Variants in CELA3B observed in about 807,000 individuals in gnomAD.
CELA3B encodes the protein chymotrypsin-like elastase family member 3B.
A neutral mutation model predicts 37.2 loss-of-function variants in CELA3B; 34 were observed. The observed-to-expected ratio is 0.91, with a 90% CI of 0.70 to 1.22. The LOEUF is 1.22. Ranked by LOEUF, CELA3B falls within the 50% of genes most tolerant of loss-of-function variation. The pLI, the probability that CELA3B is intolerant of heterozygous loss-of-function variation, is 0.00. For missense variants in CELA3B, 340 were observed against 363.1 expected, an observed-to-expected ratio of 0.94 and a Z score of 0.52; for synonymous variants, 127 against 143.5, an observed-to-expected ratio of 0.89 and a Z score of 0.82.
chr1:21,981,318 A>G (rs1262664033), intron 4 of CELA3B, 146 bp downstream of exon 4: 11 of 277,580 alleles, frequency 4.0e-5, no homozygotes, highest in Non-Finnish European at 6.0e-5. Flanking sequence ...GGTCCCACAC[A>G]CTGAGGATTG....
rs200468289 is a variant in CELA3B, at chr1:21,984,323, G to A, written c.634G>A (p.Gly212Ser). 234 of 1,613,338 alleles carry A rather than the reference G, an allele frequency of 1.5e-4. No homozygotes were observed. The highest frequency in any genetic ancestry group is 5.3e-5 in the African/African-American group (4 of 75,016). The change falls in exon 6 of 8, where the codon GGC becomes AGC. Residue 212 changes from glycine to serine, a missense_variant. Physicochemically the swap from Gly to Ser is moderately conservative, Grantham distance 56 (BLOSUM62 0). Transcript: ENST00000337107. ...MVCAGGDIRSGCNGDSGGPLN... is the reference protein window; with the variant it reads ...MVCAGGDIRSSCNGDSGGPLN... ...GTGTGCTGGAGGGGACATCCGCTCC[G>A]GCTGCAATGTGAGTCAGCTCTTACC...
chr1:21,989,116 T>C (rs1050527796), intron 7 of CELA3B, 146 bp from the exon 8 acceptor site: 1 of 1,495,094 alleles, frequency 6.7e-7, no homozygotes, highest in Non-Finnish European at 9.2e-7. Flanking sequence ...TTATCCCTAC[T>C]ACATAGAGGA....
chr1:21,989,366 C>G (rs1333974182), downstream of CELA3B: 6 of 1,105,462 alleles, frequency 5.4e-6, 1 homozygote, highest in African/African-American at 7.9e-5. Context: ...TTGAATCTTT[C>G]TTTCTTTGTT....
intron 4 of CELA3B, among the ~76,000 whole-genome samples, chr1:21,982,022 G>C (rs550667574): frequency 6.6e-6 from 1 of 152,244 alleles, no homozygotes; most frequent in African/African-American, 2.4e-5. Flanking sequence ...ACCGCGCCCT[G>C]CCATATGAAA....
At chr1:21,992,479 A>G (rs1644872757), downstream of CELA3B, among the ~76,000 whole-genome samples, 2 of 151,538 alleles carry the variant, frequency 1.3e-5, no homozygotes, top group South Asian at 4.1e-4. Flanking sequence ...CAGCTTCTGT[A>G]AACCAGACAG....
Position 21,995,776 on chromosome 1 carries a change from G to A in CELA3B, c.505-2375G>A, listed in dbSNP as rs1380247850. 3.4e-5 allele frequency among the ~76,000 whole-genome samples: 5 copies of A among 145,676 alleles called. No homozygotes were observed. In the East Asian group the frequency reaches 8.1e-4, roughly 23 times the overall value. Reference sequence around the variant, plus strand: ...CAGAAACTGATTGTCTCACAATCCTGAGGCTGGAAGAAGGAAATCAGGGTA... The same window carrying A: ...CAGAAACTGATTGTCTCACAATCCTAAGGCTGGAAGAAGGAAATCAGGGTA... On this transcript the variant is annotated intron_variant, in intron 4 of 4. Coordinates refer to the CELA3B transcript ENST00000400277.
rs1043789183 is a variant in CELA3B at position 21,986,382 on chromosome 1, T to C, written c.643-149T>C. 11 of 1,094,176 alleles carry C rather than the reference T, an allele frequency of 1.0e-5. No homozygotes were observed. The African/African-American group carries it at 1.6e-4, about 16-fold the overall frequency. The allele number at this position is 1,094,176 out of a possible 1,614,324, so 67.8% of individuals were successfully genotyped here. A position where few individuals can be genotyped will look rare whatever the true frequency, so the allele number is the denominator to read the frequency against. On this transcript the variant is annotated intron_variant, in intron 6 of 7. Transcript: ENST00000337107. ...GAGAGCGAGACTCCATCTAAAAAAA[T>C]AAAAATAATAAATGATTAAAAAAAA... is the stretch of plus-strand genomic sequence containing the variant.
At chr1:21,995,968 C>A (rs1344532337) in intron 4 of CELA3B, among the ~76,000 whole-genome samples, 1 of 149,850 alleles carries the variant, frequency 6.7e-6, no homozygotes, top group African/African-American at 2.5e-5. Context: ...AATCCCAGCA[C>A]TTTGGGAGGC....
At chr1:21,986,124 T>G (rs35389875) in intron 6 of CELA3B, among the ~76,000 whole-genome samples, 68,456 of 149,260 alleles carry the variant, frequency 0.46, 18,910 homozygotes, top group Middle Eastern at 0.69. Flanking sequence ...CCATAATCCC[T>G]TTGGGAGGCC....
chr1:21,978,212 G>T (rs1282235605), intron 1 of CELA3B, among the ~76,000 whole-genome samples, 157 bp from the exon 2 acceptor site: 4 of 150,190 alleles, frequency 2.7e-5, no homozygotes, highest in African/African-American at 9.9e-5. Context: ...TAGTTTAAAT[G>T]TTCACTATTC....
rs374499727 is a variant in CELA3B, at chr1:21,984,472, G to A, written c.642+141G>A. 2.6e-3 allele frequency: 3,056 copies of A among 1,184,376 alleles called. 11 individuals are homozygous for A. Among genetic ancestry groups the A allele is most frequent in the Non-Finnish European group, 2.9e-3 (2,504 of 855,212 alleles). 73.4% of individuals were successfully genotyped at this position (1,184,376 alleles called of 1,614,324 possible). ...GCCAGGCAGGACTTGGAGGAAATCAGCGCAGTCCAGACACAGAGCCCAGGC... is the reference window on the plus strand; with the variant it reads ...GCCAGGCAGGACTTGGAGGAAATCAACGCAGTCCAGACACAGAGCCCAGGC... On this transcript the variant is annotated intron_variant, in intron 6 of 7. Coordinates refer to ENST00000337107, the MANE Select transcript of CELA3B (RefSeq NM_007352.4).
downstream of CELA3B, among the ~76,000 whole-genome samples, chr1:21,989,706 C>G (rs1385358702): frequency 5.3e-5 from 8 of 151,126 alleles, no homozygotes; most frequent in East Asian, 3.9e-4. Context: ...AGCCCCTCAG[C>G]AGGCTCATGG....
chr1:21,985,657 C>G (rs1326943993), intron 6 of CELA3B, among the ~76,000 whole-genome samples: 3 of 151,360 alleles, frequency 2.0e-5, no homozygotes, highest in African/African-American at 7.3e-5. Flanking sequence ...TTTGGGAGGC[C>G]GAGCCGGGCG....
In CELA3B at chr1:21,997,526, A is replaced by G. The variant is rs146173279; in HGVS notation, c.505-625A>G. 6.9e-3 allele frequency among the ~76,000 whole-genome samples: 1,043 copies of G among 150,804 alleles called. 22 individuals carry two copies. The highest frequency in any genetic ancestry group is 0.017 in the Middle Eastern group (5 of 290). On this transcript the variant is annotated intron_variant, in intron 4 of 4. Coordinates refer to the CELA3B transcript ENST00000400277. The stretch of plus-strand genomic sequence containing the variant: ...AATGTGGTGAAACCCTGCCTCTACT[A>G]AAAATCCAAAAATTAGCCTGGTGTG...
chr1:21,986,694 C>T lies in CELA3B; in HGVS notation c.795+11C>T, dbSNP rs771572488. The T allele has an allele frequency of 6.8e-6, 11 of 1,610,310 alleles. No homozygotes were observed. The East Asian group carries it at 2.0e-4, about 29-fold the overall frequency. On this transcript the variant is annotated intron_variant, in intron 7 of 7. Transcript: ENST00000337107. ...GACTGGATTGAGGAGGTGAGGAGGG[C>T]AGGGCGGCCCGGAGGGCTTTAGGGT...
At chr1:21,982,132 G>A (rs1003864790) in intron 4 of CELA3B, among the ~76,000 whole-genome samples, 1 of 152,180 alleles carries the variant, frequency 6.6e-6, no homozygotes, top group African/African-American at 2.4e-5. Flanking sequence ...GTATAGGAGT[G>A]AAGCACAATA....
chr1:21,997,048 T>G (rs1217312142), intron 4 of CELA3B, among the ~76,000 whole-genome samples: 1 of 150,706 alleles, frequency 6.6e-6, no homozygotes, highest in Admixed American at 6.6e-5. Flanking sequence ...AGAAGAGGAG[T>G]AAGTGCTCCA....
In CELA3B at chr1:21,980,323, T is replaced by C. The variant is rs995662694; in HGVS notation, c.130-501T>C. Among the ~76,000 whole-genome samples the C allele has an allele frequency of 2.0e-5, 3 of 151,124 alleles. No individual in the cohort carries two copies. In the Admixed American group the frequency reaches 2.0e-4, roughly 10 times the overall value. The stretch of plus-strand genomic sequence containing the variant: ...GGTGAAACTCCGTGTCTACTAAAAA[T>C]ACAAAATTAGCCAGGCACGACGGCA... On this transcript the variant is annotated intron_variant, in intron 2 of 7. Transcript: ENST00000337107.
At chr1:21,988,763 G>A (rs1466899170) in intron 7 of CELA3B, among the ~76,000 whole-genome samples, 7 of 151,756 alleles carry the variant, frequency 4.6e-5, no homozygotes, top group Admixed American at 3.9e-4. Context: ...GGTGGCGTAC[G>A]CCTGTAGTCC....
Sources: allele counts gnomAD v4.1 joint callset (sites outside exome capture counted in the v4.1 genomes callset), GRCh38; gene constraint gnomAD v4.1.1; transcripts MANE v1.5; gene names NCBI Gene and HGNC (gene_info 2026-07-23, HGNC 2026-07-21).